Variants in LLPH observed in about 807,000 individuals in gnomAD.
LLPH encodes the protein LLP homolog, long-term synaptic facilitation factor.
In LLPH, 5 loss-of-function variants were observed where a neutral mutation model predicts 13.3. The observed-to-expected ratio is 0.38, with a 90% CI of 0.20 to 0.79. LLPH has a LOEUF of 0.79. Among genes scored for constraint, LLPH ranks in the 30% least tolerant of loss-of-function variants. The pLI, the probability that LLPH is intolerant of heterozygous loss-of-function variation, is 0.45. For missense variants in LLPH, 129 were observed against 152.1 expected (o/e 0.85, Z 0.80); for synonymous variants, 32 against 44.2 (o/e 0.72, Z 1.09).
At position 66,123,800 on chromosome 12, in the gene LLPH, G is replaced by A. The variant is rs202174097; in HGVS notation, c.*40C>T. The A allele has an allele frequency of 1.8e-4, 283 of 1,601,846 alleles. 5 individuals carry two copies. In the East Asian group the frequency reaches 4.6e-3, roughly 26 times the overall value. On this transcript the variant is annotated 3_prime_UTR_variant, in exon 3 of 3. Coordinates refer to ENST00000266604, the MANE Select transcript of LLPH (RefSeq NM_032338.4). ...TATACATGTGTATACATTCTAATCC[G>A]TCATCTATCCCATGTGGCATTTTCC...
chr12:66,128,592 G>A (rs971669813), intron 2 of LLPH, among the ~76,000 whole-genome samples: 1 of 152,100 alleles, frequency 6.6e-6, no homozygotes, highest in Non-Finnish European at 1.5e-5. Flanking sequence ...GAGACATGGA[G>A]GCTATTGTAT....
intron 2 of LLPH, among the ~76,000 whole-genome samples, chr12:66,128,558 A>G (rs2051511831): frequency 6.6e-6 from 1 of 152,048 alleles, no homozygotes; most frequent in East Asian, 1.9e-4. Flanking sequence ...AGATTTGTCT[A>G]CTCCTGTAGA....
intron 2 of LLPH, among the ~76,000 whole-genome samples, chr12:66,126,989 A>G (rs538453622): frequency 6.6e-6 from 1 of 152,272 alleles, no homozygotes; most frequent in Non-Finnish European, 1.5e-5. Flanking sequence ...CAATGTCATT[A>G]GTCATTAGGA....
rs1460998122 is a variant in LLPH, at chr12:66,123,706, T to C, written c.*134A>G. 17 of 869,720 alleles carry C rather than the reference T, an allele frequency of 2.0e-5. No individual in the cohort carries two copies. The highest frequency in any genetic ancestry group is 1.4e-4 in the South Asian group (8 of 56,104). The allele number at this position is 869,720 out of a possible 1,614,324, so 53.9% of individuals were successfully genotyped here. The stretch of plus-strand genomic sequence containing the variant: ...CTTGAGGAGTTATGCTGGGTTTGAA[T>C]TGAAGAAAAAAGGCCAAGTTAAAAT... On this transcript the variant is annotated 3_prime_UTR_variant, in exon 3 of 3. Transcript: ENST00000266604.
intron 2 of LLPH, among the ~76,000 whole-genome samples, chr12:66,126,540 C>T (rs1592525482): frequency 6.6e-6 from 1 of 151,750 alleles, no homozygotes; most frequent in Non-Finnish European, 1.5e-5. Flanking sequence ...CTTAACAACC[C>T]GATAATAAAA....
At position 66,119,567 on chromosome 12, in the gene LLPH, G is replaced by T. The variant is rs886501777; in HGVS notation, c.*4273C>A. On this transcript the variant is annotated 3_prime_UTR_variant, in exon 3 of 3. Coordinates refer to ENST00000266604, the MANE Select transcript of LLPH (RefSeq NM_032338.4). ...AACAGTGTTTTTATTAATACATGCA[G>T]GCAAATAGAGGGAAAAAGACATATA... is the stretch of plus-strand genomic sequence containing the variant. The T allele has an allele frequency of 3.3e-5, 5 of 152,282 alleles. No individual in the cohort carries two copies. Among genetic ancestry groups the T allele is most frequent in the Non-Finnish European group, 5.9e-5 (4 of 68,024 alleles). The allele number at this position is 152,282 out of a possible 1,614,324, so 9.4% of individuals were successfully genotyped here. A position where few individuals can be genotyped will look rare whatever the true frequency, so the allele number is the denominator to read the frequency against.
rs10715438 is a variant in LLPH, at chr12:66,121,280, CT to C, written c.*2559del. 0.29 allele frequency: 34,427 copies of C among 120,648 alleles called. 3,439 individuals are homozygous for C. Among genetic ancestry groups the C allele is most frequent in the South Asian group, 0.35 (1,262 of 3,650 alleles). The allele number at this position is 120,648 out of a possible 1,614,324, so 7.5% of individuals were successfully genotyped here. A position where few individuals can be genotyped will look rare whatever the true frequency, so the allele number is the denominator to read the frequency against. On this transcript the variant is annotated 3_prime_UTR_variant, in exon 3 of 3. Transcript: ENST00000266604. ...AACTGTGTAATATCACGAATGTAGA[CT>C]TTTTTTTTTTTTTTTTTTGAGATGG...
chr12:66,124,313 A>G (rs1167481203), intron 2 of LLPH, among the ~76,000 whole-genome samples: 1 of 152,220 alleles, frequency 6.6e-6, no homozygotes, highest in African/African-American at 2.4e-5. Context: ...GAGTTCAGTA[A>G]GCATACCTAC....
At chr12:66,130,463 G>GC (rs1332855462) in intron 1 of LLPH, 1 of 152,170 alleles carries the variant, frequency 6.6e-6, no homozygotes, top group Non-Finnish European at 1.5e-5. Flanking sequence ...AACCTTGAGG[G>GC]CCGAAGTTAA....
At position 66,120,797 on chromosome 12, in the gene LLPH, TTAAAAA is replaced by T. The variant is rs1360229807; in HGVS notation, c.*3037_*3042del. ...TGCTATACTTCTCGATTTGTAATCT[TTAAAAA>T]TAAAGTGCCAAAGATGTGACCATAC... On this transcript the variant is annotated 3_prime_UTR_variant, in exon 3 of 3. Coordinates refer to ENST00000266604, the MANE Select transcript of LLPH (RefSeq NM_032338.4). 4 of 152,340 alleles carry T rather than the reference TTAAAAA, an allele frequency of 2.6e-5. No individual in the cohort carries two copies. The South Asian group carries it at 6.2e-4, about 24-fold the overall frequency. 9.4% of individuals were successfully genotyped at this position (152,340 alleles called of 1,614,324 possible). A position where few individuals can be genotyped will look rare whatever the true frequency, so the allele number is the denominator to read the frequency against.
In LLPH at chr12:66,121,052, T is replaced by G. The variant is rs2051459895; in HGVS notation, c.*2788A>C. ...ATGGTGCTTTGATTTTTGATTTTGT[T>G]AACTTTCAAGTTAAATCCTGAATGG... On this transcript the variant is annotated 3_prime_UTR_variant, in exon 3 of 3. Coordinates refer to ENST00000266604, the MANE Select transcript of LLPH (RefSeq NM_032338.4). The G allele has an allele frequency of 6.6e-6, 1 of 152,178 alleles. No individual in the cohort carries two copies. The highest frequency in any genetic ancestry group is 2.1e-4 in the South Asian group (1 of 4,826). 9.4% of individuals were successfully genotyped at this position (152,178 alleles called of 1,614,324 possible).
At chr12:66,126,937 A>C (rs549694079) in intron 2 of LLPH, among the ~76,000 whole-genome samples, 82 of 152,246 alleles carry the variant, frequency 5.4e-4, no homozygotes, top group African/African-American at 1.8e-3. Context: ...TCAAAAAAAA[A>C]AAACAAAAAA....
chr12:66,124,287 T>A (rs1408542521), intron 2 of LLPH, among the ~76,000 whole-genome samples: 1 of 152,240 alleles, frequency 6.6e-6, no homozygotes, highest in Non-Finnish European at 1.5e-5. Flanking sequence ...ACATTTCTCA[T>A]ATTAAGTGAT....
At position 66,123,932 on chromosome 12, in the gene LLPH, T is replaced by A; in HGVS notation, c.298A>T (p.Arg100Trp). The change falls in exon 3 of 3, where the codon AGG becomes TGG. Residue 100 changes from arginine (R) to tryptophan (W), a missense_variant. Arg to Trp is a moderately radical substitution (Grantham distance 101). Transcript: ENST00000266604. ...TTTGCCTTCAGCCTTTTTCTTTGCC[T>A]TTGGTTCATCCATATTGGGTACTGT... is the stretch of plus-strand genomic sequence containing the variant. ...HGQYPIWMNQ[R>W]QRKRLKAKRE... The A allele has an allele frequency of 6.2e-7, 1 of 1,613,130 alleles. No homozygotes were observed. The highest frequency in any genetic ancestry group is 1.1e-5 in the South Asian group (1 of 91,050).
At chr12:66,125,066 T>G (rs2051487829) in intron 2 of LLPH, among the ~76,000 whole-genome samples, 1 of 152,014 alleles carries the variant, frequency 6.6e-6, no homozygotes, top group Non-Finnish European at 1.5e-5. Context: ...AGATCCTGTC[T>G]CCCCGCAAAA....
At chr12:66,126,252 A>G (rs551931650) in intron 2 of LLPH, among the ~76,000 whole-genome samples, 1 of 151,630 alleles carries the variant, frequency 6.6e-6, no homozygotes, top group East Asian at 2.0e-4. Context: ...CGAACCCGGG[A>G]GATGGAGCTT....
At position 66,120,776 on chromosome 12, in the gene LLPH, A is replaced by G. The variant is rs2051458263; in HGVS notation, c.*3064T>C. 1 of 152,240 alleles carries G rather than the reference A, an allele frequency of 6.6e-6. No homozygotes were observed. Among genetic ancestry groups the G allele is most frequent in the South Asian group, 2.1e-4 (1 of 4,834 alleles). 9.4% of individuals were successfully genotyped at this position (152,240 alleles called of 1,614,324 possible). A position where few individuals can be genotyped will look rare whatever the true frequency, so the allele number is the denominator to read the frequency against. On this transcript the variant is annotated 3_prime_UTR_variant, in exon 3 of 3. Transcript: ENST00000266604. Reference sequence around the variant, plus strand: ...ATTTAAAAGATAAAAGGACTATGCTATACTTCTCGATTTGTAATCTTTAAA... The same window carrying G: ...ATTTAAAAGATAAAAGGACTATGCTGTACTTCTCGATTTGTAATCTTTAAA...
At chr12:66,126,082 T>C (rs955525066) in intron 2 of LLPH, among the ~76,000 whole-genome samples, 1 of 152,090 alleles carries the variant, frequency 6.6e-6, no homozygotes, top group Non-Finnish European at 1.5e-5. Context: ...CCCAGCACTT[T>C]GGGAGGCCGA....
chr12:66,127,308 T>C (rs2051503620), intron 2 of LLPH, among the ~76,000 whole-genome samples: 1 of 152,230 alleles, frequency 6.6e-6, no homozygotes, highest in Non-Finnish European at 1.5e-5. Flanking sequence ...ACGTGGTACA[T>C]GCAATGGACT....
Sources: allele counts gnomAD v4.1 joint callset (sites outside exome capture counted in the v4.1 genomes callset), GRCh38; gene constraint gnomAD v4.1.1; transcripts MANE v1.5; gene names NCBI Gene and HGNC (gene_info 2026-07-23, HGNC 2026-07-21).